Variants in RBFOX3 observed in about 807,000 individuals in gnomAD.
RBFOX3 encodes RNA binding fox-1 homolog 3.
In RBFOX3, 17 loss-of-function variants were observed where a neutral mutation model predicts 48.7. The observed-to-expected ratio is 0.35, with a 90% confidence interval of 0.24 to 0.52. RBFOX3 has a LOEUF of 0.52. Ranked by LOEUF, RBFOX3 falls within the 20% of genes least tolerant of loss-of-function variation. The pLI is 0.94. For synonymous variants in RBFOX3, 212 were observed against 209.5 expected (o/e 1.01, Z -0.10); for missense variants, 382 against 497.5 (o/e 0.77, Z 2.21).
chr17:79,606,151 C>A (rs2093825216), intron 1 of RBFOX3, among the ~76,000 whole-genome samples: 3 of 152,252 alleles, frequency 2.0e-5, no homozygotes, highest in South Asian at 2.1e-4. Flanking sequence ...GTCTAGAGAC[C>A]AGGAAGAAAC....
intron 4 of RBFOX3, among the ~76,000 whole-genome samples, chr17:79,153,489 C>T (rs1253918682): frequency 2.0e-5 from 3 of 152,182 alleles, no homozygotes; most frequent in Non-Finnish European, 4.4e-5. Flanking sequence ...TTCAGAATGA[C>T]AGGAGTGGCT....
intron 2 of RBFOX3, among the ~76,000 whole-genome samples, chr17:79,435,151 C>T (rs1555730411): frequency 6.6e-6 from 1 of 152,154 alleles, no homozygotes; most frequent in Non-Finnish European, 1.5e-5. Flanking sequence ...GTGTCTGCCC[C>T]CCACCTCCGC....
chr17:79,402,676 T>C (rs2062969410), intron 2 of RBFOX3, among the ~76,000 whole-genome samples: 1 of 152,166 alleles, frequency 6.6e-6, no homozygotes, highest in African/African-American at 2.4e-5. Context: ...GGTCTCCTTG[T>C]CTGTGAAACA....
chr17:79,160,089 G>A (rs1357752166), intron 4 of RBFOX3, among the ~76,000 whole-genome samples: 1 of 152,264 alleles, frequency 6.6e-6, no homozygotes, highest in African/African-American at 2.4e-5. Flanking sequence ...CGCTCGAGTA[G>A]TAAGTGACTG....
chr17:79,267,800 C>T (rs1338562905), intron 3 of RBFOX3, among the ~76,000 whole-genome samples: 1 of 152,096 alleles, frequency 6.6e-6, no homozygotes, highest in Non-Finnish European at 1.5e-5. Context: ...TGGAGAAGCC[C>T]AGGAAGGGTC....
Position 79,516,324 on chromosome 17 carries a change from G to A in RBFOX3, c.-319-33726C>T, listed in dbSNP as rs1011227507. Among the ~76,000 whole-genome samples the A allele has an allele frequency of 1.4e-4, 22 of 152,314 alleles. No homozygotes were observed. The South Asian group carries it at 4.1e-3, about 29-fold the overall frequency. On this transcript the variant is annotated intron_variant, in intron 1 of 14. Transcript: ENST00000693108. ...TGAGTTCTATGAAATGCCCACGTGT[G>A]GCCACACTCCCCTCCCTGGGCACCC...
At chr17:79,412,179 T>C (rs1042886420) in intron 2 of RBFOX3, among the ~76,000 whole-genome samples, 5 of 151,506 alleles carry the variant, frequency 3.3e-5, no homozygotes, top group African/African-American at 4.9e-5. Context: ...TGTATGCACA[T>C]ATGTGTATAT....
chr17:79,164,587 G>A (rs2145461800), intron 4 of RBFOX3, among the ~76,000 whole-genome samples: 1 of 152,330 alleles, frequency 6.6e-6, no homozygotes, highest in Non-Finnish European at 1.5e-5. Flanking sequence ...GGCCCTTGGT[G>A]GGAGGCCCAG....
intron 2 of RBFOX3, among the ~76,000 whole-genome samples, chr17:79,318,470 G>A (rs543461366): frequency 2.6e-5 from 4 of 152,200 alleles, no homozygotes; most frequent in Admixed American, 1.3e-4. Context: ...GTTGAGCAAC[G>A]GTCTCAGCCA....
chr17:79,420,432 A>T (rs1437487226), intron 2 of RBFOX3, among the ~76,000 whole-genome samples: 2 of 152,180 alleles, frequency 1.3e-5, no homozygotes, highest in Non-Finnish European at 2.9e-5. Context: ...AGTGTGAGTC[A>T]GCGGCCCCAG....
Position 79,275,947 on chromosome 17 carries a change from C to T in RBFOX3, c.-74+31777G>A, listed in dbSNP as rs139229084. Among the ~76,000 whole-genome samples the T allele has an allele frequency of 4.4e-3, 667 of 152,298 alleles. 5 individuals are homozygous for T. Among genetic ancestry groups the T allele is most frequent in the African/African-American group, 0.015 (626 of 41,552 alleles). The stretch of plus-strand genomic sequence containing the variant: ...GCGTATTCATTGCAGCGTCATTCAC[C>T]ACAGCCAAAAACGGGAAACAACCCG... On this transcript the variant is annotated intron_variant, in intron 3 of 14. Transcript: ENST00000693108.
chr17:79,451,430 T>C (rs1470597281), intron 2 of RBFOX3, among the ~76,000 whole-genome samples: 1 of 152,150 alleles, frequency 6.6e-6, no homozygotes, highest in Non-Finnish European at 1.5e-5. Context: ...AGCATCATCT[T>C]GGGGATAGAG....
intron 14 of RBFOX3, among the ~76,000 whole-genome samples, chr17:79,093,832 C>G (rs1467710000): frequency 2.7e-5 from 4 of 146,320 alleles, no homozygotes; most frequent in South Asian, 2.2e-4. Context: ...CACACAGAGA[C>G]ACGCCACGCC....
rs1452188796 is a variant in RBFOX3 at position 79,473,556 on chromosome 17, G to A, written c.-175+8898C>T. 4.6e-5 allele frequency among the ~76,000 whole-genome samples: 7 copies of A among 152,184 alleles called. No individual in the cohort carries two copies. The highest frequency in any genetic ancestry group is 2.1e-4 in the South Asian group (1 of 4,820). The stretch of plus-strand genomic sequence containing the variant: ...TGCCTCCCACAAGAAGTTGTGTTAC[G>A]AGTGTATTATTTGATCTTTGTTGAA... On this transcript the variant is annotated intron_variant, in intron 2 of 14. Transcript: ENST00000693108. This position sits in a 1 kb window ranked among gnomAD's most constrained non-coding sequence, Gnocchi z 4.2.
chr17:79,393,954 C>T (rs1382123267), intron 2 of RBFOX3, among the ~76,000 whole-genome samples: 11 of 151,722 alleles, frequency 7.3e-5, no homozygotes, highest in Non-Finnish European at 1.3e-4. Flanking sequence ...TCATCTGAGC[C>T]GGTCACCACG....
chr17:79,596,266 C>A (rs1189040078), intron 1 of RBFOX3, among the ~76,000 whole-genome samples: 2 of 152,238 alleles, frequency 1.3e-5, no homozygotes, highest in Non-Finnish European at 2.9e-5. Context: ...CAGAGCCCAA[C>A]TGAACCCTCA....
At chr17:79,419,580 C>T (rs2065911116) in intron 2 of RBFOX3, among the ~76,000 whole-genome samples, 1 of 152,248 alleles carries the variant, frequency 6.6e-6, no homozygotes, top group African/African-American at 2.4e-5. Flanking sequence ...CACTTTTACA[C>T]AGGGCAATCT....
intron 2 of RBFOX3, among the ~76,000 whole-genome samples, chr17:79,436,767 C>T (rs909314860): frequency 3.9e-5 from 6 of 152,152 alleles, no homozygotes; most frequent in Admixed American, 6.5e-5. Flanking sequence ...CTGCCAGAGC[C>T]GATTCCAACG....
intron 4 of RBFOX3, among the ~76,000 whole-genome samples, chr17:79,184,355 G>C (rs1245119511): frequency 6.6e-6 from 1 of 152,170 alleles, no homozygotes; most frequent in Non-Finnish European, 1.5e-5. Flanking sequence ...AGACACACTG[G>C]ACTTGACGTG....
Sources: allele counts gnomAD v4.1 joint callset (sites outside exome capture counted in the v4.1 genomes callset), GRCh38; gene constraint gnomAD v4.1.1; non-coding constraint Gnocchi (gnomAD v3.1); transcripts MANE v1.5; gene names NCBI Gene and HGNC (gene_info 2026-07-23, HGNC 2026-07-21).